Variants in CTDSPL2 observed in about 807,000 individuals in gnomAD.
CTDSPL2 encodes the protein CTD small phosphatase like 2.
A neutral mutation model predicts 60.0 loss-of-function variants in CTDSPL2; 5 were observed. The observed-to-expected ratio is 0.08, with a 90% CI of 0.04 to 0.18. CTDSPL2 has a LOEUF of 0.18. Ranked by LOEUF, CTDSPL2 falls within the 10% of genes least tolerant of loss-of-function variation. CTDSPL2 has a pLI of 1.00. For synonymous variants in CTDSPL2, 186 were observed against 189.3 expected (o/e 0.98, Z 0.14); for missense variants, 370 against 548.8 (o/e 0.67, Z 3.26).
intron 1 of CTDSPL2, among the ~76,000 whole-genome samples, chr15:44,428,869 ACTTTTTCTTTC>A (rs1185491301): frequency 5.3e-5 from 8 of 152,132 alleles, no homozygotes; most frequent in Non-Finnish European, 1.0e-4. Flanking sequence ...ATATTTCTTT[ACTTTTTCTTTC>A]CTTTTTTTTA....
At chr15:44,520,453 T>A (rs1453817286) in intron 11 of CTDSPL2, 1 of 152,082 alleles carries the variant, frequency 6.6e-6, no homozygotes, top group African/African-American at 2.4e-5. Flanking sequence ...CCCAGCCCCA[T>A]GTGATAGGAT....
Position 44,431,263 on chromosome 15 carries a change from A to G in CTDSPL2, c.-25+3491A>G, listed in dbSNP as rs369896377. Reference sequence around the variant, plus strand: ...CGGCATGAGCCACTGCACCCGGCTCATGATGAGGAGCCTTGACAGATATGG... The same window carrying G: ...CGGCATGAGCCACTGCACCCGGCTCGTGATGAGGAGCCTTGACAGATATGG... On this transcript the variant is annotated intron_variant, in intron 1 of 12. Coordinates refer to ENST00000260327, the MANE Select transcript of CTDSPL2 (RefSeq NM_016396.3). Among the ~76,000 whole-genome samples, 15 of 152,274 alleles carry G rather than the reference A, an allele frequency of 9.9e-5. No homozygotes were observed. In the East Asian group the frequency reaches 1.9e-3, roughly 20 times the overall value.
chr15:44,450,180 G>T (rs957735061), intron 1 of CTDSPL2, among the ~76,000 whole-genome samples: 1 of 151,874 alleles, frequency 6.6e-6, no homozygotes, highest in African/African-American at 2.4e-5. Flanking sequence ...AGAAAAAAGA[G>T]GGAATTGGAG....
At chr15:44,479,674 G>A (rs1252473917) in intron 2 of CTDSPL2, among the ~76,000 whole-genome samples, 1 of 151,958 alleles carries the variant, frequency 6.6e-6, no homozygotes, top group African/African-American at 2.4e-5. Context: ...CTCCCAACGT[G>A]CTAGAATTAC....
intron 8 of CTDSPL2, among the ~76,000 whole-genome samples, chr15:44,503,097 G>A (rs182394599): frequency 1.5e-3 from 224 of 152,196 alleles, no homozygotes; most frequent in Non-Finnish European, 3.2e-4. Context: ...ACTAGACAGA[G>A]TATAGTTTGT....
At chr15:44,496,983 A>G in intron 6 of CTDSPL2, 44 bp from the exon 7 acceptor site, 2 of 1,202,144 alleles carry the variant, frequency 1.7e-6, no homozygotes, top group Non-Finnish European at 2.4e-6. Context: ...TTCTATATGT[A>G]TAAAAAGTAA....
At chr15:44,437,785 G>A (rs2080005983) in intron 1 of CTDSPL2, among the ~76,000 whole-genome samples, 1 of 152,178 alleles carries the variant, frequency 6.6e-6, no homozygotes, top group African/African-American at 2.4e-5. Flanking sequence ...CAATTTAAGA[G>A]CTAAATTAGA....
intron 1 of CTDSPL2, among the ~76,000 whole-genome samples, chr15:44,431,668 A>G (rs1220092042): frequency 6.6e-6 from 1 of 152,070 alleles, no homozygotes. Context: ...GTTCAGAGAT[A>G]AGGAAACATA....
intron 4 of CTDSPL2, among the ~76,000 whole-genome samples, chr15:44,487,134 A>G (rs1331528246): frequency 6.6e-6 from 1 of 152,078 alleles, no homozygotes; most frequent in African/African-American, 2.4e-5. Flanking sequence ...TGTCTCGTGT[A>G]TGTTTTCCAC....
At chr15:44,491,632 C>G (rs917654977) in intron 5 of CTDSPL2, among the ~76,000 whole-genome samples, 3 of 152,104 alleles carry the variant, frequency 2.0e-5, no homozygotes, top group Non-Finnish European at 4.4e-5. Flanking sequence ...TGAAGAAGGC[C>G]ATCTTCTTAT....
chr15:44,519,327 T>C, intron 11 of CTDSPL2, 32 bp downstream of exon 11: 1 of 1,524,928 alleles, frequency 6.6e-7, no homozygotes. Context: ...AAACTCAGAT[T>C]GGAAAAAATA....
chr15:44,448,400 C>A, intron 1 of CTDSPL2: 1 of 250,790 alleles, frequency 4.0e-6, no homozygotes, highest in South Asian at 5.1e-5. Context: ...CCCACACGAT[C>A]CACACCATGG....
At chr15:44,504,880 A>G (rs1203338345) in intron 8 of CTDSPL2, among the ~76,000 whole-genome samples, 2 of 151,586 alleles carry the variant, frequency 1.3e-5, no homozygotes, top group African/African-American at 4.9e-5. Context: ...GTAGGGAACA[A>G]TAATTCAATA....
intron 3 of CTDSPL2, among the ~76,000 whole-genome samples, chr15:44,486,050 CCATAAGTA>C (rs2081112772): frequency 6.6e-6 from 1 of 152,086 alleles, no homozygotes; most frequent in Admixed American, 6.6e-5. Context: ...GTCTCAGTGT[CCATAAGTA>C]ATTTTTGACA....
In CTDSPL2 at chr15:44,524,200, A is replaced by AG; in HGVS notation, c.*31dup. ...GTACAAAGACTTGTCAAATCACTGA[A>AG]GGGGGAGAGAATGCAGGACCCTTTT... On this transcript the variant is annotated 3_prime_UTR_variant, in exon 13 of 13. Transcript: ENST00000260327. The AG allele has an allele frequency of 6.3e-7, 1 of 1,588,424 alleles. No individual in the cohort carries two copies. Among genetic ancestry groups the AG allele is most frequent in the Non-Finnish European group, 8.6e-7 (1 of 1,157,018 alleles).
intron 4 of CTDSPL2, among the ~76,000 whole-genome samples, chr15:44,488,706 C>T (rs1185023985): frequency 6.6e-6 from 1 of 152,098 alleles, no homozygotes; most frequent in South Asian, 2.1e-4. Context: ...GTAATCCCAG[C>T]TACTCAAGAG....
chr15:44,461,311 C>T (rs1427553215), intron 2 of CTDSPL2, among the ~76,000 whole-genome samples: 4 of 152,192 alleles, frequency 2.6e-5, no homozygotes, highest in Non-Finnish European at 4.4e-5. Flanking sequence ...ACACTAATAA[C>T]CTCCTGTTGA....
At chr15:44,480,469 C>T (rs1286686893) in intron 2 of CTDSPL2, among the ~76,000 whole-genome samples, 1 of 152,086 alleles carries the variant, frequency 6.6e-6, no homozygotes, top group Non-Finnish European at 1.5e-5. Flanking sequence ...AAATGTTGCC[C>T]ATGGGTTTTT....
chr15:44,444,843 T>G (rs930938843), intron 1 of CTDSPL2, among the ~76,000 whole-genome samples: 2 of 118,344 alleles, frequency 1.7e-5, no homozygotes, highest in African/African-American at 3.8e-5. Flanking sequence ...GTAGTTTTTT[T>G]TTTTTTTTTT....
Sources: allele counts gnomAD v4.1 joint callset (sites outside exome capture counted in the v4.1 genomes callset), GRCh38; gene constraint gnomAD v4.1.1; transcripts MANE v1.5; gene names NCBI Gene and HGNC (gene_info 2026-07-23, HGNC 2026-07-21).